Variants in ENTREP2 observed in about 807,000 individuals in gnomAD.
ENTREP2 encodes the protein endosomal transmembrane epsin interactor 2.
chr15:29,466,939 A>G, the ENTREP2 span, among the ~76,000 whole-genome samples: 7 of 122,968 alleles, frequency 5.7e-5, no homozygotes, highest in African/African-American at 1.9e-4. Context: ...AGGATGCTGC[A>G]GCCCCCAGGG....
the ENTREP2 span, among the ~76,000 whole-genome samples, chr15:29,551,799 GAAGCAAGAAGC>G: frequency 6.6e-6 from 1 of 151,776 alleles, no homozygotes; most frequent in African/African-American, 2.4e-5. Flanking sequence ...TGGCTTTTTG[GAAGCAAGAAGC>G]AAGGGAGAAG....
At chr15:29,318,555 C>T in the ENTREP2 span, among the ~76,000 whole-genome samples, 5 of 152,126 alleles carry the variant, frequency 3.3e-5, no homozygotes, top group African/African-American at 9.6e-5. Flanking sequence ...CTCCTGACCT[C>T]GTGATCCGCC....
the ENTREP2 span, among the ~76,000 whole-genome samples, chr15:29,669,929 C>T: frequency 6.6e-6 from 1 of 152,152 alleles, no homozygotes; most frequent in South Asian, 2.1e-4. Flanking sequence ...TCTGCCCTGT[C>T]AAAATCATGT....
At chr15:29,390,593 G>T in the ENTREP2 span, among the ~76,000 whole-genome samples, 1 of 152,110 alleles carries the variant, frequency 6.6e-6, no homozygotes, top group East Asian at 1.9e-4. Context: ...AGAACTTCCT[G>T]CTGTTGAGGC....
At chr15:29,548,453 T>TA in the ENTREP2 span, among the ~76,000 whole-genome samples, 672 of 134,088 alleles carry the variant, frequency 5.0e-3, 5 homozygotes, top group African/African-American at 0.013. Flanking sequence ...AGATTCTGCC[T>TA]AAAAAAAAAA....
the ENTREP2 span, among the ~76,000 whole-genome samples, chr15:29,354,020 A>C: frequency 3.9e-5 from 6 of 152,232 alleles, no homozygotes; most frequent in South Asian, 1.2e-3. Flanking sequence ...TATGTGTGTC[A>C]GGGTGTCTCC....
the ENTREP2 span, among the ~76,000 whole-genome samples, chr15:29,283,846 C>T: frequency 1.3e-5 from 2 of 152,020 alleles, no homozygotes; most frequent in African/African-American, 4.8e-5. Context: ...TTCCTGGATC[C>T]TAAGAGAAAC....
At chr15:29,168,702 T>C in the ENTREP2 span, among the ~76,000 whole-genome samples, 1 of 152,214 alleles carries the variant, frequency 6.6e-6, no homozygotes, top group African/African-American at 2.4e-5. Context: ...AAAATGTCGA[T>C]GGATTTTGGC....
the ENTREP2 span, among the ~76,000 whole-genome samples, chr15:29,354,299 C>T: frequency 6.6e-6 from 1 of 152,160 alleles, no homozygotes; most frequent in South Asian, 2.1e-4. Flanking sequence ...TGAAGCACAC[C>T]ACCAGCCTTC....
At chr15:29,608,197 G>A in the ENTREP2 span, among the ~76,000 whole-genome samples, 463 of 152,226 alleles carry the variant, frequency 3.0e-3, 1 homozygote, top group African/African-American at 0.01. Flanking sequence ...GACACACCCA[G>A]GATCAATACT....
chr15:29,667,596 C>T, the ENTREP2 span, among the ~76,000 whole-genome samples: 16 of 149,496 alleles, frequency 1.1e-4, no homozygotes, highest in African/African-American at 3.5e-4. Context: ...AAGGTTCAAG[C>T]GATTCTCCTG....
chr15:29,470,738 C>A, the ENTREP2 span, among the ~76,000 whole-genome samples: 2 of 151,954 alleles, frequency 1.3e-5, no homozygotes, highest in East Asian at 3.9e-4. Context: ...GCCTTCAAGA[C>A]GTCTGACATG....
the ENTREP2 span, among the ~76,000 whole-genome samples, chr15:29,476,443 C>G: frequency 1.3e-5 from 2 of 152,174 alleles, no homozygotes; most frequent in African/African-American, 4.8e-5. Context: ...AATGCCCGTT[C>G]ACCAAACAGC....
chr15:29,611,936 T>C, the ENTREP2 span, among the ~76,000 whole-genome samples: 1 of 152,330 alleles, frequency 6.6e-6, no homozygotes, highest in South Asian at 2.1e-4. Flanking sequence ...CTCCACTCCT[T>C]CAAGCTTGGA....
the ENTREP2 span, among the ~76,000 whole-genome samples, chr15:29,508,905 A>G: frequency 1.3e-5 from 2 of 152,206 alleles, no homozygotes; most frequent in South Asian, 2.1e-4. Context: ...GGCCAGGGCA[A>G]TGAGGCAAGA....
the ENTREP2 span, among the ~76,000 whole-genome samples, chr15:29,149,386 G>C: frequency 6.6e-6 from 1 of 152,200 alleles, no homozygotes; most frequent in Non-Finnish European, 1.5e-5. Flanking sequence ...GCATAAACTA[G>C]TTAGGAATAG....
At chr15:29,269,615 G>C in the ENTREP2 span, 1 of 1,564,414 alleles carries the variant, frequency 6.4e-7, no homozygotes, top group Non-Finnish European at 8.6e-7. Flanking sequence ...TCCCCGGCCC[G>C]CGAAGCCCCG....
the ENTREP2 span, among the ~76,000 whole-genome samples, chr15:29,167,890 C>T: frequency 1.3e-5 from 2 of 151,944 alleles, no homozygotes; most frequent in South Asian, 4.2e-4. Flanking sequence ...CAACACAATT[C>T]AATTCACACT....
the ENTREP2 span, among the ~76,000 whole-genome samples, chr15:29,171,170 T>A: frequency 5.9e-5 from 9 of 152,248 alleles, no homozygotes; most frequent in East Asian, 1.9e-4. Flanking sequence ...CAACACTGAC[T>A]GTGGCATTGA....
Sources: gnomAD v4.1 joint callset for allele counts (sites outside exome capture counted in the v4.1 genomes callset) on GRCh38, gnomAD v4.1.1 for gene constraint, MANE v1.5 for transcripts, NCBI Gene and HGNC (gene_info 2026-07-23, HGNC 2026-07-21) for gene names.